SYT16: variants seen among roughly 807,000 people sequenced by gnomAD.
The protein encoded by SYT16 is synaptotagmin-16.
In SYT16, 42 loss-of-function variants were observed where a neutral mutation model predicts 61.4. The ratio of observed to expected loss-of-function variants is 0.68; its 90% confidence interval spans 0.53 to 0.89. SYT16 has a LOEUF of 0.89. Among genes scored for constraint, SYT16 ranks in the 40% least tolerant of loss-of-function variants. SYT16 has a pLI of 0.00. For missense variants in SYT16, 804 were observed against 807.3 expected (o/e 1.00, Z 0.05); for synonymous variants, 314 against 302.3 (o/e 1.04, Z -0.40).
chr14:61,996,254 G>A lies in SYT16; in HGVS notation c.235G>A (p.Glu79Lys). 6.2e-7 allele frequency: 1 copy of A among 1,613,618 alleles called. No individual in the cohort carries two copies. Among genetic ancestry groups the A allele is most frequent in the Non-Finnish European group, 8.5e-7 (1 of 1,179,650 alleles). Residue 79 changes from glutamate to lysine, a missense_variant, in exon 3 of 8, where the codon GAG becomes AAG. Glu to Lys is a moderately conservative substitution (Grantham distance 56, BLOSUM62 1). Transcript: ENST00000683842. The stretch of plus-strand genomic sequence containing the variant: ...AGAACAAGACAATGATTGGAGTCAA[G>A]AGGATGCAAATTCCTTGTTTCTTGA... ...DEEQDNDWSQ[E>K]DANSLFLEVD...
chr14:62,048,515 C>A (rs2055108315), intron 3 of SYT16, among the ~76,000 whole-genome samples: 1 of 152,140 alleles, frequency 6.6e-6, no homozygotes, highest in African/African-American at 2.4e-5. Flanking sequence ...TTGCCTTCTG[C>A]TAGCTTTTGA....
At position 62,041,889 on chromosome 14, in the gene SYT16, A is replaced by T. The variant is rs571547137; in HGVS notation, c.524-27714A>T. 2.4e-4 allele frequency among the ~76,000 whole-genome samples: 36 copies of T among 152,170 alleles called. No individual in the cohort carries two copies. The East Asian group carries it at 3.9e-3, about 16-fold the overall frequency. Reference sequence around the variant, plus strand: ...GGTCTCTATTGCTGTTTTCAAGCTCACTAGTCTTTTATTCTGCATTGCCCA... The same window carrying T: ...GGTCTCTATTGCTGTTTTCAAGCTCTCTAGTCTTTTATTCTGCATTGCCCA... On this transcript the variant is annotated intron_variant, in intron 3 of 7. Coordinates refer to ENST00000683842, the MANE Select transcript of SYT16 (RefSeq NM_001367656.1).
intron 3 of SYT16, among the ~76,000 whole-genome samples, chr14:61,999,381 A>G (rs971572361): frequency 2.0e-5 from 3 of 151,466 alleles, no homozygotes; most frequent in African/African-American, 7.3e-5. Context: ...CATTTCATCT[A>G]TGTTGTTGAA....
chr14:61,910,672 T>A (rs1283661639), intron 1 of SYT16, among the ~76,000 whole-genome samples: 1 of 151,304 alleles, frequency 6.6e-6, no homozygotes, highest in Non-Finnish European at 1.5e-5. Flanking sequence ...GGGATTACAG[T>A]CATGCACCAC....
chr14:62,022,382 T>G (rs2140763541), intron 3 of SYT16, among the ~76,000 whole-genome samples: 1 of 152,314 alleles, frequency 6.6e-6, no homozygotes, highest in South Asian at 2.1e-4. Flanking sequence ...TTGTTGAATA[T>G]TTAGACCTCA....
chr14:62,044,872 G>C (rs1214034486), intron 3 of SYT16, among the ~76,000 whole-genome samples: 1 of 152,168 alleles, frequency 6.6e-6, no homozygotes, highest in Non-Finnish European at 1.5e-5. Context: ...GAGTGCAGTG[G>C]CTCACGCCTG....
At chr14:62,092,800 T>C (rs1472130359) in intron 7 of SYT16, among the ~76,000 whole-genome samples, 1 of 151,956 alleles carries the variant, frequency 6.6e-6, no homozygotes, top group Non-Finnish European at 1.5e-5. Context: ...GTTTTGGAGA[T>C]GGATGGTGGT....
At chr14:61,969,763 C>A (rs1417573888) in intron 1 of SYT16, among the ~76,000 whole-genome samples, 1 of 152,168 alleles carries the variant, frequency 6.6e-6, no homozygotes, top group Non-Finnish European at 1.5e-5. Context: ...TTTTATAACA[C>A]TGGTCAACCA....
chr14:62,085,138 G>T (rs2056842724), intron 7 of SYT16, among the ~76,000 whole-genome samples: 1 of 152,164 alleles, frequency 6.6e-6, no homozygotes, highest in African/African-American at 2.4e-5. Context: ...GTTTTCAGTT[G>T]CCTCAACAGC....
intron 1 of SYT16, among the ~76,000 whole-genome samples, chr14:61,960,842 G>T (rs1049996775): frequency 2.0e-4 from 31 of 152,070 alleles, no homozygotes; most frequent in African/African-American, 6.8e-4. Flanking sequence ...GAACTGGGAG[G>T]CATCACATTA....
chr14:62,022,793 A>G (rs1458083790), intron 3 of SYT16, among the ~76,000 whole-genome samples: 8 of 152,108 alleles, frequency 5.3e-5, no homozygotes, highest in Non-Finnish European at 1.0e-4. Context: ...TCACTTAGCA[A>G]TAATTGTGTA....
chr14:61,863,332 A>C (rs911337077), intron 1 of SYT16, among the ~76,000 whole-genome samples: 1 of 152,134 alleles, frequency 6.6e-6, no homozygotes, highest in African/African-American at 2.4e-5. Context: ...ATGGTATCTC[A>C]TTGTTTTAAT....
chr14:61,981,769 G>A (rs1039066840), intron 2 of SYT16, among the ~76,000 whole-genome samples: 4 of 152,134 alleles, frequency 2.6e-5, no homozygotes, highest in African/African-American at 9.7e-5. Context: ...GAAGTCATTT[G>A]ACAGACCTGT....
At chr14:61,936,975 G>A (rs1594954029) in intron 1 of SYT16, among the ~76,000 whole-genome samples, 1 of 152,284 alleles carries the variant, frequency 6.6e-6, no homozygotes, top group South Asian at 2.1e-4. Flanking sequence ...AATTTACAAG[G>A]ACTAAAAATC....
chr14:61,910,640 T>C (rs1414044835), intron 1 of SYT16, among the ~76,000 whole-genome samples: 7 of 151,762 alleles, frequency 4.6e-5, no homozygotes, highest in Admixed American at 4.6e-4. Flanking sequence ...AAAGATTCTC[T>C]ATCTCAGCCT....
At chr14:62,037,610 A>G (rs1475629711) in intron 3 of SYT16, among the ~76,000 whole-genome samples, 1 of 152,218 alleles carries the variant, frequency 6.6e-6, no homozygotes, top group Non-Finnish European at 1.5e-5. Flanking sequence ...GTTAGTTTGA[A>G]TAATCATGTT....
intron 1 of SYT16, among the ~76,000 whole-genome samples, chr14:61,851,479 T>C (rs574005955): frequency 1.3e-5 from 2 of 152,280 alleles, no homozygotes; most frequent in East Asian, 3.9e-4. Context: ...CTTTGAGGAA[T>C]CACCACACTG....
rs573810385 is a variant in SYT16, at chr14:61,853,914, C to T, written c.-325+41104C>T. The stretch of plus-strand genomic sequence containing the variant: ...ATTCATCAAGGACATAAAATTTGAA[C>T]TTTTGATCTAATGTCTAAATGTGTC... On this transcript the variant is annotated intron_variant, in intron 1 of 7. Coordinates refer to ENST00000683842, the MANE Select transcript of SYT16 (RefSeq NM_001367656.1). Among the ~76,000 whole-genome samples the T allele has an allele frequency of 1.3e-4, 20 of 152,234 alleles. 1 individual carries two copies. In the South Asian group the frequency reaches 3.9e-3, roughly 30 times the overall value.
intron 1 of SYT16, among the ~76,000 whole-genome samples, chr14:61,950,485 G>T (rs904823742): frequency 7.9e-5 from 12 of 152,178 alleles, no homozygotes; most frequent in African/African-American, 2.9e-4. Flanking sequence ...TGGTACAGAT[G>T]GCCTCCCATG....
Sources: gnomAD v4.1 joint callset for allele counts (sites outside exome capture counted in the v4.1 genomes callset) on GRCh38, gnomAD v4.1.1 for gene constraint, MANE v1.5 for transcripts, NCBI Gene and HGNC (gene_info 2026-07-23, HGNC 2026-07-21) for gene names.